The following COL26A1 variants were observed in gnomAD, a reference collection of about 807,000 sequenced individuals.
The protein encoded by COL26A1 is collagen type XXVI alpha 1 chain.
Under a neutral mutation model 59.3 loss-of-function variants are expected in COL26A1, and 41 were observed. The observed-to-expected ratio is 0.69, with a 90% CI of 0.54 to 0.90. The LOEUF (loss-of-function observed/expected upper bound fraction) is 0.90. Among genes scored for constraint, COL26A1 ranks in the 40% least tolerant of loss-of-function variants. The pLI is 0.00. For missense variants in COL26A1, 612 were observed against 602.3 expected (o/e 1.02, Z -0.17); for synonymous variants, 266 against 256.0 (o/e 1.04, Z -0.37).
In COL26A1 at chr7:101,489,745, CTTTCT is replaced by C. The variant is rs1794372158; in HGVS notation, c.385+41960_385+41964del. On this transcript the variant is annotated intron_variant, in intron 3 of 12. Transcript: ENST00000313669. ...TCTTTCTCTCTCTCTTTCTCTCTTTCTTTCTTGTCTCTCTTTCTTTCTTTCTTTCT... is the reference window on the plus strand; with the variant it reads ...TCTTTCTCTCTCTCTTTCTCTCTTTCTGTCTCTCTTTCTTTCTTTCTTTCT... Among the ~76,000 whole-genome samples, 2 of 70,660 alleles carry C rather than the reference CTTTCT, an allele frequency of 2.8e-5. 1 individual carries two copies. Among genetic ancestry groups the C allele is most frequent in the Non-Finnish European group, 5.8e-5 (2 of 34,408 alleles). The allele number at this position is 70,660 out of a possible 152,430, so 46.4% of individuals were successfully genotyped here.
chr7:101,429,610 T>TTTTTTTTTTTTTTGG (rs1792732730), intron 2 of COL26A1, among the ~76,000 whole-genome samples: 1 of 87,046 alleles, frequency 1.1e-5, no homozygotes, highest in African/African-American at 4.1e-5. Context: ...TTTTTTTTTT[T>TTTTTTTTTTTTTTGG]GAGACAGGAT....
At chr7:101,387,776 A>ATTTTTTTTTTTTTTTTTTTTTTT (rs1445116473) in intron 1 of COL26A1, among the ~76,000 whole-genome samples, 1 of 84,768 alleles carries the variant, frequency 1.2e-5, no homozygotes, top group Non-Finnish European at 2.2e-5. Flanking sequence ...ATATATATAT[A>ATTTTTTTTTTTTTTTTTTTTTTT]TATTTTTTTT....
At chr7:101,489,939 CTT>C (rs1794420987) in intron 3 of COL26A1, among the ~76,000 whole-genome samples, 1 of 134,288 alleles carries the variant, frequency 7.4e-6, no homozygotes. Context: ...CTCTCTCTTT[CTT>C]TCTTTCTTTC....
intron 2 of COL26A1, among the ~76,000 whole-genome samples, chr7:101,440,896 G>A (rs898163101): frequency 4.0e-5 from 6 of 151,126 alleles, no homozygotes; most frequent in Admixed American, 1.3e-4. Flanking sequence ...AGAATTGCTT[G>A]AACCCGGGAC....
At chr7:101,484,022 T>TGTGTGTGA (rs1489291809) in intron 3 of COL26A1, among the ~76,000 whole-genome samples, 2 of 149,730 alleles carry the variant, frequency 1.3e-5, no homozygotes, top group Non-Finnish European at 3.0e-5. Context: ...TGTGTGTGTG[T>TGTGTGTGA]GTGTGTGTGT....
intron 3 of COL26A1, among the ~76,000 whole-genome samples, chr7:101,476,750 T>C (rs1275469749): frequency 6.6e-6 from 1 of 151,358 alleles, no homozygotes; most frequent in Non-Finnish European, 1.5e-5. Context: ...GGTTTTACCG[T>C]GTTAGCCAGG....
chr7:101,496,325 AT>A (rs1201314985), intron 3 of COL26A1, among the ~76,000 whole-genome samples: 2 of 152,236 alleles, frequency 1.3e-5, no homozygotes, highest in Non-Finnish European at 2.9e-5. Context: ...CAGCAGGTCA[AT>A]TTACCAAGAC....
At chr7:101,471,567 G>GTTGTTTTTTTTTTTTT (rs1485332913) in intron 3 of COL26A1, among the ~76,000 whole-genome samples, 3 of 112,386 alleles carry the variant, frequency 2.7e-5, no homozygotes, top group African/African-American at 1.1e-4. Flanking sequence ...TGTTGTTGTT[G>GTTGTTTTTTTTTTTTT]TTTGTTTTTT....
At chr7:101,528,895 G>A (rs1273267255) in intron 3 of COL26A1, among the ~76,000 whole-genome samples, 3 of 152,258 alleles carry the variant, frequency 2.0e-5, no homozygotes, top group Non-Finnish European at 1.5e-5. Flanking sequence ...GCTAGGTGCT[G>A]TGGCTCACGC....
At chr7:101,494,761 T>C (rs1794545071) in intron 3 of COL26A1, among the ~76,000 whole-genome samples, 2 of 152,216 alleles carry the variant, frequency 1.3e-5, no homozygotes, top group African/African-American at 4.8e-5. Context: ...GTCCCAGCTC[T>C]TCCAGCTGCA....
chr7:101,454,737 G>A (rs1422382477), intron 3 of COL26A1, among the ~76,000 whole-genome samples: 2 of 152,092 alleles, frequency 1.3e-5, no homozygotes, highest in African/African-American at 2.4e-5. Flanking sequence ...GATAAGCCTC[G>A]TTCAGGCATG....
chr7:101,440,253 C>T (rs1177102841), intron 2 of COL26A1, among the ~76,000 whole-genome samples: 1 of 151,804 alleles, frequency 6.6e-6, no homozygotes, highest in Non-Finnish European at 1.5e-5. Context: ...GTAATCCCAG[C>T]TACTCAGGAG....
chr7:101,546,864 G>A, intron 7 of COL26A1, among the ~76,000 whole-genome samples: 1 of 130,390 alleles, frequency 7.7e-6, no homozygotes, highest in Non-Finnish European at 1.7e-5. Context: ...CCAGCCTGGG[G>A]CATTGGAGAA....
chr7:101,367,411 T>C (rs1033187065), intron 1 of COL26A1, among the ~76,000 whole-genome samples: 2 of 152,130 alleles, frequency 1.3e-5, no homozygotes, highest in Non-Finnish European at 2.9e-5. Context: ...ATGCCTGTAA[T>C]CTCAGCACTT....
chr7:101,402,711 TTC>T (rs202008738), intron 1 of COL26A1, among the ~76,000 whole-genome samples: 1 of 125,738 alleles, frequency 8.0e-6, no homozygotes, highest in Non-Finnish European at 1.7e-5. Context: ...TTTCATTTCT[TTC>T]TCTCTTTCTC....
chr7:101,422,131 G>C (rs1204937291), intron 2 of COL26A1, among the ~76,000 whole-genome samples: 1 of 152,034 alleles, frequency 6.6e-6, no homozygotes, highest in African/African-American at 2.4e-5. Context: ...GACCAACATG[G>C]TGAAACCCAG....
At chr7:101,465,642 C>T (rs1348521948) in intron 3 of COL26A1, among the ~76,000 whole-genome samples, 21 of 144,132 alleles carry the variant, frequency 1.5e-4, no homozygotes, top group African/African-American at 4.2e-4. Context: ...TGAAGTGAGC[C>T]GAGATCATGC....
intron 1 of COL26A1, among the ~76,000 whole-genome samples, chr7:101,408,299 A>G (rs935596589): frequency 6.6e-6 from 1 of 152,100 alleles, no homozygotes; most frequent in Non-Finnish European, 1.5e-5. Context: ...GCTGCCCCAG[A>G]CCCCATGAGG....
chr7:101,482,076 G>T (rs1794168204), intron 3 of COL26A1, among the ~76,000 whole-genome samples: 1 of 151,668 alleles, frequency 6.6e-6, no homozygotes, highest in African/African-American at 2.4e-5. Context: ...GAGTGCAGTG[G>T]CATGATCTCG....
Sources: allele counts gnomAD v4.1 joint callset (sites outside exome capture counted in the v4.1 genomes callset), GRCh38; gene constraint gnomAD v4.1.1; transcripts MANE v1.5; gene names NCBI Gene and HGNC (gene_info 2026-07-23, HGNC 2026-07-21).